Variants in TCF4 observed in about 807,000 individuals in gnomAD.
TCF4 encodes SL3-3 enhancer factor 2.
Under a neutral mutation model 82.1 loss-of-function variants are expected in TCF4, and 3 were observed. The ratio of observed to expected loss-of-function variants is 0.04; its 90% CI spans 0.02 to 0.09. TCF4 has a LOEUF of 0.09. Among genes scored for constraint, TCF4 ranks in the 10% least tolerant of loss-of-function variants. TCF4 has a pLI of 1.00. For missense variants in TCF4, 518 were observed against 852.7 expected, an observed-to-expected ratio of 0.61 and a Z score of 4.89; for synonymous variants, 276 against 309.6, an observed-to-expected ratio of 0.89 and a Z score of 1.14.
intron 3 of TCF4, chr18:55,550,379 C>T (rs1219382747): frequency 6.6e-6 from 1 of 152,178 alleles, no homozygotes; most frequent in African/African-American, 2.4e-5. Flanking sequence ...TTTACCATCC[C>T]AGCACTATTT....
chr18:55,278,554 ATTTG>A (rs141655767), intron 9 of TCF4, among the ~76,000 whole-genome samples: 40,479 of 149,542 alleles, frequency 0.27, 5,393 homozygotes, highest in East Asian at 0.32. Context: ...TCATTTATTT[ATTTG>A]TTTGTTTATT....
chr18:55,436,302 TTAAC>T (rs1220832065), intron 5 of TCF4, among the ~76,000 whole-genome samples: 1 of 152,218 alleles, frequency 6.6e-6, no homozygotes, highest in African/African-American at 2.4e-5. Flanking sequence ...GATTAATAAT[TTAAC>T]TACTTTATTC....
At chr18:55,282,059 T>C (rs2062727710) in intron 8 of TCF4, among the ~76,000 whole-genome samples, 1 of 152,066 alleles carries the variant, frequency 6.6e-6, no homozygotes, top group South Asian at 2.1e-4. Flanking sequence ...ACATATTTTA[T>C]ACATTTTCTT....
At chr18:55,511,602 C>A (rs976132288) in intron 3 of TCF4, among the ~76,000 whole-genome samples, 56 of 151,994 alleles carry the variant, frequency 3.7e-4, no homozygotes, top group Non-Finnish European at 2.5e-4. Flanking sequence ...AGTCAAATAC[C>A]CTGAGTGATT....
intron 3 of TCF4, among the ~76,000 whole-genome samples, chr18:55,555,513 G>A (rs1410412769): frequency 1.7e-4 from 26 of 152,196 alleles, no homozygotes; most frequent in Admixed American, 1.7e-3. Flanking sequence ...GTGAATAGTT[G>A]ATCTGATAGT....
At chr18:55,422,587 C>G (rs958327685) in intron 5 of TCF4, 2 of 479,428 alleles carry the variant, frequency 4.2e-6, no homozygotes, top group East Asian at 1.5e-4. Flanking sequence ...GTTAAAGACT[C>G]CCTACCATTA....
chr18:55,630,656 G>C (rs2097730667), intron 2 of TCF4, among the ~76,000 whole-genome samples: 1 of 152,196 alleles, frequency 6.6e-6, no homozygotes, highest in African/African-American at 2.4e-5. Flanking sequence ...TAGGAGCATA[G>C]CATGCTATGC....
At chr18:55,243,555 A>G (rs1012417678) in intron 15 of TCF4, among the ~76,000 whole-genome samples, 3 of 152,140 alleles carry the variant, frequency 2.0e-5, no homozygotes, top group African/African-American at 7.2e-5. Context: ...AGTAGCATTA[A>G]ATCAGGGGAA....
chr18:55,454,244 T>C (rs2144517054), intron 5 of TCF4, among the ~76,000 whole-genome samples: 1 of 152,316 alleles, frequency 6.6e-6, no homozygotes, highest in African/African-American at 2.4e-5. Flanking sequence ...GGCCACACTG[T>C]AATATGGCCC....
At chr18:55,538,687 C>A (rs961619634) in intron 3 of TCF4, among the ~76,000 whole-genome samples, 1 of 152,124 alleles carries the variant, frequency 6.6e-6, no homozygotes, top group Non-Finnish European at 1.5e-5. Context: ...GGAAACAGAA[C>A]AATTATAGCA....
At chr18:55,278,694 G>A (rs968394580) in intron 9 of TCF4, among the ~76,000 whole-genome samples, 6 of 151,834 alleles carry the variant, frequency 4.0e-5, no homozygotes, top group Admixed American at 1.3e-4. Flanking sequence ...TCAGCCTCCC[G>A]AGTAGCTGGG....
chr18:55,228,319 T>C lies in TCF4; in HGVS notation c.1922A>G (p.Glu641Gly). Residue 641 changes from glutamate to glycine, a missense_variant, in exon 19 of 20, where the codon GAG becomes GGG. Glu to Gly is a moderately conservative substitution (Grantham distance 98, BLOSUM62 -2). This residue lies in a region of TCF4 where 40 missense variants were observed against 41.5 expected (regional missense o/e 0.96). Transcript: ENST00000354452. ...AGGCTCTGAGGACACCTTCTCTTCC[T>C]CCCTTCTTTTCAGACACGCAGCTTT... ...NPKAACLKRR[E>G]EEKVSSEPPP... The C allele has an allele frequency of 6.2e-7, 1 of 1,614,200 alleles. No individual in the cohort carries two copies.
In TCF4 at chr18:55,227,959, T is replaced by C; in HGVS notation, c.*76A>G. The C allele has an allele frequency of 2.3e-6, 1 of 440,852 alleles. No individual in the cohort carries two copies. Among genetic ancestry groups the C allele is most frequent in the Non-Finnish European group, 4.1e-6 (1 of 241,008 alleles). The allele number at this position is 440,852 out of a possible 1,614,324, so 27.3% of individuals were successfully genotyped here. A position where few individuals can be genotyped will look rare whatever the true frequency, so the allele number is the denominator to read the frequency against. ...AATGGGGGTTAAGGAGAAGTGTTTATGTGGGTTTAAGATAATACAGCTGTT... is the reference window on the plus strand; with the variant it reads ...AATGGGGGTTAAGGAGAAGTGTTTACGTGGGTTTAAGATAATACAGCTGTT... On this transcript the variant is annotated 3_prime_UTR_variant, in exon 20 of 20. Coordinates refer to ENST00000354452, the MANE Select transcript of TCF4 (RefSeq NM_001083962.2).
chr18:55,400,741 A>T (rs995745533), intron 6 of TCF4: 1 of 246,128 alleles, frequency 4.1e-6, no homozygotes, highest in East Asian at 8.8e-5. Flanking sequence ...ATAATAATGT[A>T]TTCCTCCAGG....
At position 55,222,493 on chromosome 18, in the gene TCF4, A is replaced by G. The variant is rs1447670268; in HGVS notation, c.*5542T>C. The stretch of plus-strand genomic sequence containing the variant: ...TCCAACCAAAAACGAAAAAAAAAAA[A>G]ATCCCAACATTTGGCTATGGAGGGC... On this transcript the variant is annotated 3_prime_UTR_variant, in exon 20 of 20. Coordinates refer to ENST00000354452, the MANE Select transcript of TCF4 (RefSeq NM_001083962.2). 6.6e-6 allele frequency: 1 copy of G among 152,458 alleles called. No individual in the cohort carries two copies. The highest frequency in any genetic ancestry group is 1.9e-4 in the East Asian group (1 of 5,204). 9.4% of individuals were successfully genotyped at this position (152,458 alleles called of 1,614,324 possible).
At chr18:55,508,942 C>T (rs1364656537) in intron 3 of TCF4, among the ~76,000 whole-genome samples, 4 of 152,110 alleles carry the variant, frequency 2.6e-5, no homozygotes, top group African/African-American at 9.7e-5. Flanking sequence ...AACTGTTAAA[C>T]AGATTATCTG....
At chr18:55,486,448 C>T (rs1412719337) in intron 3 of TCF4, among the ~76,000 whole-genome samples, 7 of 151,996 alleles carry the variant, frequency 4.6e-5, no homozygotes, top group African/African-American at 1.7e-4. Context: ...AAAAATTAGC[C>T]GGGCGTGGTG....
At chr18:55,597,070 C>T (rs1248714847) in intron 2 of TCF4, among the ~76,000 whole-genome samples, 1 of 152,126 alleles carries the variant, frequency 6.6e-6, no homozygotes, top group Non-Finnish European at 1.5e-5. Flanking sequence ...TCCTGCTGTG[C>T]CATGTGAAGA....
chr18:55,243,188 TAA>T (rs572272073), intron 15 of TCF4, among the ~76,000 whole-genome samples: 103 of 152,338 alleles, frequency 6.8e-4, no homozygotes, highest in African/African-American at 2.5e-3. Context: ...TTTATATCAA[TAA>T]GTGGCATGAT....
Sources: gnomAD v4.1 joint callset for allele counts (sites outside exome capture counted in the v4.1 genomes callset) on GRCh38, gnomAD v4.1.1 for gene constraint, gnomAD v4.1.1 regional missense constraint, MANE v1.5 for transcripts, NCBI Gene and HGNC (gene_info 2026-07-23, HGNC 2026-07-21) for gene names.